The following EMILIN2 variants were observed in gnomAD, a reference collection of about 807,000 sequenced individuals.
EMILIN2 encodes the protein EMILIN-2.
Under a neutral mutation model 87.1 loss-of-function variants are expected in EMILIN2, and 71 were observed. The ratio of observed to expected loss-of-function variants is 0.82; its 90% CI spans 0.67 to 0.99. EMILIN2 has a LOEUF of 0.99. Among genes scored for constraint, EMILIN2 ranks in the 50% least tolerant of loss-of-function variants. EMILIN2 has a pLI of 0.00. For missense variants in EMILIN2, 1,407 were observed against 1,371.8 expected, an observed-to-expected ratio of 1.03 and a Z score of -0.40; for synonymous variants, 581 against 563.4, an observed-to-expected ratio of 1.03 and a Z score of -0.44.
intron 4 of EMILIN2, 37 bp from the exon 5 acceptor site, chr18:2,906,746 T>G (rs964907765): frequency 8.0e-7 from 1 of 1,257,782 alleles, no homozygotes; most frequent in African/African-American, 1.6e-5. Flanking sequence ...TGAGGTTTCC[T>G]AATCCCGTGT....
Position 2,906,817 on chromosome 18 carries a change from GA to G in EMILIN2, c.2396del (p.Lys799ArgfsTer97). 7.6e-7 allele frequency: 1 copy of G among 1,318,846 alleles called. No homozygotes were observed. The highest frequency in any genetic ancestry group is 2.2e-5 in the South Asian group (1 of 46,330). 81.7% of individuals were successfully genotyped at this position (1,318,846 alleles called of 1,614,324 possible). On this transcript the variant is annotated frameshift_variant, in exon 5 of 8. Coordinates refer to ENST00000254528, the MANE Select transcript of EMILIN2 (RefSeq NM_032048.3). LOFTEE classifies it high-confidence loss of function. ...PSPPPPAEAP[K>X]EPLQPEPAPP... ...CGCCCCCGCCGCCCGCAGAGGCCCC[GA>G]AGGAGCCGCTGCAGCCCGAGCCCGC...
intron 4 of EMILIN2, among the ~76,000 whole-genome samples, chr18:2,893,251 G>A (rs912284469): frequency 1.3e-5 from 2 of 152,146 alleles, no homozygotes; most frequent in African/African-American, 4.8e-5. Context: ...GGGGCAGTGG[G>A]TGTTGTCCTC....
rs2076961045 is a variant in EMILIN2 at position 2,915,190 on chromosome 18, T to C, written c.*1786T>C. On this transcript the variant is annotated 3_prime_UTR_variant, in exon 8 of 8. Transcript: ENST00000254528. The stretch of plus-strand genomic sequence containing the variant: ...GTCTGGAACATCGGGTAAAACCCAG[T>C]CCTCCTCTCAGTGCATCTCTACTCA... The C allele has an allele frequency of 6.6e-6, 1 of 152,282 alleles. No individual in the cohort carries two copies. The highest frequency in any genetic ancestry group is 2.1e-4 in the South Asian group (1 of 4,836). 9.4% of individuals were successfully genotyped at this position (152,282 alleles called of 1,614,324 possible).
Position 2,892,109 on chromosome 18 carries a change from AC to A in EMILIN2, c.1986del (p.Val663TrpfsTer82), listed in dbSNP as rs1568476760. Reference sequence around the variant, plus strand: ...GTGGACACCCTGCCGTCCCCCCAGCACCCCGTGGCTCATTGCTGCAGTCAGC... The same window carrying A: ...GTGGACACCCTGCCGTCCCCCCAGCACCCGTGGCTCATTGCTGCAGTCAGC... ...RTVDTLPSPQ[H>X]PVAHCCSQLE... On this transcript the variant is annotated frameshift_variant, in exon 4 of 8. Coordinates refer to ENST00000254528, the MANE Select transcript of EMILIN2 (RefSeq NM_032048.3). LOFTEE classifies it high-confidence loss of function. The A allele has an allele frequency of 6.2e-7, 1 of 1,612,844 alleles. No homozygotes were observed. The highest frequency in any genetic ancestry group is 8.5e-7 in the Non-Finnish European group (1 of 1,179,082).
intron 7 of EMILIN2, among the ~76,000 whole-genome samples, chr18:2,911,968 G>T (rs2076942914): frequency 6.6e-6 from 1 of 152,026 alleles, no homozygotes; most frequent in African/African-American, 2.4e-5. Flanking sequence ...TTGGGAAGGG[G>T]ACTGGGTAGC....
chr18:2,902,711 G>C (rs758397340), intron 4 of EMILIN2, among the ~76,000 whole-genome samples: 2 of 152,116 alleles, frequency 1.3e-5, no homozygotes, highest in Non-Finnish European at 2.9e-5. Context: ...AGATTTTTGA[G>C]CAAAAAATAA....
rs2076578446 is a variant in EMILIN2, at chr18:2,847,136, C to G, written c.-53C>G. On this transcript the variant is annotated 5_prime_UTR_variant, in exon 1 of 8. Transcript: ENST00000254528. The surrounding 1 kb of genome is among the most constrained non-coding windows in gnomAD (Gnocchi z 4.5). Reference sequence around the variant, plus strand: ...GCCGGCAGCCTTGTGGCCGGTGCCCCGATCCGCCGCGCTCCGGACCCGGGC... The same window carrying G: ...GCCGGCAGCCTTGTGGCCGGTGCCCGGATCCGCCGCGCTCCGGACCCGGGC... 3.8e-6 allele frequency: 4 copies of G among 1,065,144 alleles called. No individual in the cohort carries two copies. Among genetic ancestry groups the G allele is most frequent in the Non-Finnish European group, 4.5e-6 (4 of 882,988 alleles). The allele number at this position is 1,065,144 out of a possible 1,614,324, so 66.0% of individuals were successfully genotyped here.
At chr18:2,857,817 G>T (rs1381960121) in intron 2 of EMILIN2, among the ~76,000 whole-genome samples, 1 of 152,186 alleles carries the variant, frequency 6.6e-6, no homozygotes, top group Admixed American at 6.5e-5. Context: ...GAGATTTTGG[G>T]CAGCTTTCAG....
chr18:2,913,645 A>T lies in EMILIN2; in HGVS notation c.*241A>T. Reference sequence around the variant, plus strand: ...GCCACTCTAACTGGACAACTGGAAGACTTGGAAAGGCCTCCACCTGTATCT... The same window carrying T: ...GCCACTCTAACTGGACAACTGGAAGTCTTGGAAAGGCCTCCACCTGTATCT... On this transcript the variant is annotated 3_prime_UTR_variant, in exon 8 of 8. Coordinates refer to ENST00000254528, the MANE Select transcript of EMILIN2 (RefSeq NM_032048.3). The T allele has an allele frequency of 3.0e-6, 1 of 332,096 alleles. No individual in the cohort carries two copies. Among genetic ancestry groups the T allele is most frequent in the Non-Finnish European group, 5.4e-6 (1 of 186,156 alleles). The allele number at this position is 332,096 out of a possible 1,614,324, so 20.6% of individuals were successfully genotyped here. A position where few individuals can be genotyped will look rare whatever the true frequency, so the allele number is the denominator to read the frequency against.
intron 2 of EMILIN2, among the ~76,000 whole-genome samples, chr18:2,849,045 TC>T (rs953252796): frequency 6.6e-6 from 1 of 152,122 alleles, no homozygotes; most frequent in Non-Finnish European, 1.5e-5. Flanking sequence ...TTAGACGAGG[TC>T]CCCATTTCCT....
At position 2,913,327 on chromosome 18, in the gene EMILIN2, C is replaced by G. The variant is rs1324386394; in HGVS notation, c.3085C>G (p.Leu1029Val). 2.5e-6 allele frequency: 4 copies of G among 1,612,682 alleles called. No individual in the cohort carries two copies. The highest frequency in any genetic ancestry group is 3.4e-6 in the Non-Finnish European group (4 of 1,179,268). The stretch of plus-strand genomic sequence containing the variant: ...CAACGTCGTGGTGACTGGGGGCAAG[C>G]TGGCTCACACAGACTTTGATGAAAT... Reference protein sequence around the residue: ...AVNVVVTGGKLAHTDFDEMYS... With the variant: ...AVNVVVTGGKVAHTDFDEMYS... The change falls in exon 8 of 8, where the codon CTG becomes GTG. Residue 1029 changes from leucine (L) to valine (V), a missense_variant. Transcript: ENST00000254528.
At chr18:2,908,811 T>C (rs1598507025) in intron 5 of EMILIN2, 132 bp from the exon 6 acceptor site, 8 of 1,076,044 alleles carry the variant, frequency 7.4e-6, no homozygotes, top group Non-Finnish European at 1.2e-5. Context: ...TGGGTGCCCT[T>C]GTTCTATGTC....
intron 2 of EMILIN2, among the ~76,000 whole-genome samples, chr18:2,872,519 G>A (rs759661850): frequency 1.3e-5 from 2 of 152,164 alleles, no homozygotes; most frequent in South Asian, 4.1e-4. Context: ...ACCATGCCTG[G>A]ACTGAAAATG....
At chr18:2,908,905 G>A (rs767460552) in intron 5 of EMILIN2, 38 bp from the exon 6 acceptor site, 2 of 1,613,542 alleles carry the variant, frequency 1.2e-6, no homozygotes, top group African/African-American at 2.7e-5. Context: ...TGGTGCTTAG[G>A]GTCTTGTTTG....
chr18:2,855,890 GA>G lies in EMILIN2; in HGVS notation c.257+7961del, dbSNP rs376867523. 2.7e-3 allele frequency among the ~76,000 whole-genome samples: 417 copies of G among 152,336 alleles called. 4 individuals carry two copies. The highest frequency in any genetic ancestry group is 9.6e-3 in the African/African-American group (401 of 41,574). Reference sequence around the variant, plus strand: ...TGCATACCCAGCAGGCACGTCTGGTGAACACTCACCGTTTTCATTGTTTGTC... The same window carrying G: ...TGCATACCCAGCAGGCACGTCTGGTGACACTCACCGTTTTCATTGTTTGTC... On this transcript the variant is annotated intron_variant, in intron 2 of 7. Transcript: ENST00000254528.
rs978538871 is a variant in EMILIN2, at chr18:2,880,599, C to T, written c.258-4365C>T. 1.3e-4 allele frequency among the ~76,000 whole-genome samples: 20 copies of T among 152,266 alleles called. No homozygotes were observed. Among genetic ancestry groups the T allele is most frequent in the Non-Finnish European group, 2.2e-4 (15 of 68,034 alleles). ...AGGGAGCCAGGGCTGCAGCCGAGTC[C>T]GCCCCTCCAGCGCTGCGCAGCCCCG... is the stretch of plus-strand genomic sequence containing the variant. On this transcript the variant is annotated intron_variant, in intron 2 of 7. Transcript: ENST00000254528. This position sits in a 1 kb window ranked among gnomAD's most constrained non-coding sequence, Gnocchi z 4.1.
At chr18:2,901,277 C>T (rs1334200488) in intron 4 of EMILIN2, among the ~76,000 whole-genome samples, 1 of 152,228 alleles carries the variant, frequency 6.6e-6, no homozygotes, top group Admixed American at 6.5e-5. Context: ...AGGTCTCCTC[C>T]TGCAGCCCAG....
rs150093333 is a variant in EMILIN2 at position 2,892,113 on chromosome 18, C to T, written c.1986C>T (p.Pro662=). 4.2e-4 allele frequency: 682 copies of T among 1,612,494 alleles called. No homozygotes were observed. The highest frequency in any genetic ancestry group is 5.5e-4 in the Non-Finnish European group (645 of 1,178,864). ...TVDTLPSPQH[P]VAHCCSQLEE... ...ACACCCTGCCGTCCCCCCAGCACCC[C>T]GTGGCTCATTGCTGCAGTCAGCTGG... is the stretch of plus-strand genomic sequence containing the variant. Residue 662 remains proline (P), a synonymous_variant, in exon 4 of 8, where the codon CCC becomes CCT. Coordinates refer to ENST00000254528, the MANE Select transcript of EMILIN2 (RefSeq NM_032048.3).
intron 2 of EMILIN2, among the ~76,000 whole-genome samples, chr18:2,855,609 G>A (rs2076623047): frequency 6.6e-6 from 1 of 152,212 alleles, no homozygotes; most frequent in Non-Finnish European, 1.5e-5. Flanking sequence ...GTGGGGCCAG[G>A]CTGCAGAGAA....
Sources: gnomAD v4.1 joint callset for allele counts (sites outside exome capture counted in the v4.1 genomes callset) on GRCh38, gnomAD v4.1.1 for gene constraint, Gnocchi (gnomAD v3.1) non-coding constraint, MANE v1.5 for transcripts, NCBI Gene and HGNC (gene_info 2026-07-23, HGNC 2026-07-21) for gene names.